The following UPP2 variants were observed in gnomAD, a reference collection of about 807,000 sequenced individuals.
UPP2 encodes uridine phosphorylase 2, also known as UPase 2.
UPP2 carries 23 observed loss-of-function variants against 26.7 expected under a neutral mutation model. The ratio of observed to expected loss-of-function variants is 0.86; its 90% CI spans 0.62 to 1.22. UPP2 has a LOEUF of 1.22. Among genes scored for constraint, UPP2 ranks in the 50% most tolerant of loss-of-function variants. UPP2 has a pLI of 0.00. For missense variants in UPP2, 387 were observed against 396.7 expected (o/e 0.98, Z 0.21); for synonymous variants, 127 against 141.3 (o/e 0.90, Z 0.72).
At chr2:158,108,170 C>T (rs1683234414) in intron 2 of UPP2, among the ~76,000 whole-genome samples, 1 of 152,184 alleles carries the variant, frequency 6.6e-6, no homozygotes, top group African/African-American at 2.4e-5. Context: ...TCTTGGGTGT[C>T]TGTGTCTCCT....
intron 6 of UPP2, among the ~76,000 whole-genome samples, chr2:158,128,785 A>AGT (rs1021602196): frequency 6.6e-6 from 1 of 152,162 alleles, no homozygotes; most frequent in African/African-American, 2.4e-5. Context: ...TTCCATTTTA[A>AGT]GTGTGGTGAG....
In UPP2 at chr2:158,013,623, G is replaced by A. The variant is rs552259453; in HGVS notation, c.62-2178G>A. On this transcript the variant is annotated intron_variant, in intron 2 of 9. Transcript: ENST00000605860. ...GTAATTTGGCAACTCACTCGGAAGA[G>A]ATGTGTTTGATGAGGAAGAGGTGAG... Among the ~76,000 whole-genome samples, 6 of 152,348 alleles carry A rather than the reference G, an allele frequency of 3.9e-5. No homozygotes were observed. In the South Asian group the frequency reaches 1.2e-3, roughly 32 times the overall value.
At chr2:158,002,015 A>G (rs1683416645) in intron 2 of UPP2, among the ~76,000 whole-genome samples, 2 of 151,522 alleles carry the variant, frequency 1.3e-5, no homozygotes, top group South Asian at 4.2e-4. Flanking sequence ...ACATGGAAAG[A>G]AGGTACTCAT....
chr2:158,120,952 T>G (rs57738915), intron 4 of UPP2, among the ~76,000 whole-genome samples: 3,425 of 152,018 alleles, frequency 0.023, 116 homozygotes, highest in African/African-American at 0.078. Context: ...CTGATTTACA[T>G]GAAGTCGGCG....
rs182887113 is a variant in UPP2 at position 158,064,155 on chromosome 2, C to T, written c.148-37885C>T. On this transcript the variant is annotated intron_variant, in intron 3 of 9. Coordinates refer to the UPP2 transcript ENST00000605860. ...CAAATGGTATTTCTAGTTCTAGATCCTTGAAGAATTGCCACACTGTGTTCC... is the reference window on the plus strand; with the variant it reads ...CAAATGGTATTTCTAGTTCTAGATCTTTGAAGAATTGCCACACTGTGTTCC... 2.7e-3 allele frequency among the ~76,000 whole-genome samples: 408 copies of T among 152,310 alleles called. 3 individuals carry two copies. The highest frequency in any genetic ancestry group is 9.3e-3 in the African/African-American group (385 of 41,572).
chr2:158,020,042 T>C (rs1435079567), intron 3 of UPP2, among the ~76,000 whole-genome samples: 1 of 152,236 alleles, frequency 6.6e-6, no homozygotes, highest in East Asian at 1.9e-4. Flanking sequence ...AAGGTGACTG[T>C]TGAATAGCGA....
At chr2:158,029,821 A>G (rs780115295) in intron 3 of UPP2, among the ~76,000 whole-genome samples, 28 of 145,316 alleles carry the variant, frequency 1.9e-4, no homozygotes, top group Non-Finnish European at 3.1e-4. Flanking sequence ...TTAAAACACT[A>G]TTTAGGAAAG....
intron 1 of UPP2, among the ~76,000 whole-genome samples, chr2:158,103,241 C>T (rs2105211562): frequency 6.6e-6 from 1 of 152,178 alleles, no homozygotes; most frequent in South Asian, 2.1e-4. Context: ...TAGACAGTCC[C>T]CCAAATTTTC....
At position 158,101,905 on chromosome 2, in the gene UPP2, A is replaced by G. The variant is rs1350746458; in HGVS notation, c.-159A>G. The G allele has an allele frequency of 1.5e-6, 2 of 1,354,124 alleles. No homozygotes were observed. The highest frequency in any genetic ancestry group is 1.9e-6 in the Non-Finnish European group (2 of 1,055,458). The allele number at this position is 1,354,124 out of a possible 1,614,324, so 83.9% of individuals were successfully genotyped here. A position where few individuals can be genotyped will look rare whatever the true frequency, so the allele number is the denominator to read the frequency against. On this transcript the variant is annotated 5_prime_UTR_variant, in exon 1 of 7. Transcript: ENST00000005756. ...GAAAATTTAAAATGCTAAAGGAAAA[A>G]TTTTCTTAGCAATTTCACAGGAAAA... is the stretch of plus-strand genomic sequence containing the variant.
intron 3 of UPP2, among the ~76,000 whole-genome samples, chr2:158,096,291 C>G (rs1682983861): frequency 6.6e-6 from 1 of 152,106 alleles, no homozygotes; most frequent in South Asian, 2.1e-4. Context: ...GAACAAAGAC[C>G]ATTATTAAAA....
At chr2:158,050,037 G>C (rs1682122719) in intron 3 of UPP2, among the ~76,000 whole-genome samples, 1 of 151,992 alleles carries the variant, frequency 6.6e-6, no homozygotes, top group South Asian at 2.1e-4. Flanking sequence ...GGTTAATCTT[G>C]ATTCCTGACA....
chr2:158,117,770 C>A, intron 3 of UPP2, 54 bp from the exon 4 acceptor site: 2 of 1,304,698 alleles, frequency 1.5e-6, no homozygotes, highest in Non-Finnish European at 2.2e-6. Flanking sequence ...AAATTATGTC[C>A]TGTTCATGTA....
chr2:158,069,821 C>T (rs1188382051), intron 3 of UPP2, among the ~76,000 whole-genome samples: 2 of 152,252 alleles, frequency 1.3e-5, no homozygotes, highest in Admixed American at 1.3e-4. Flanking sequence ...AGAAATTTAT[C>T]AAGTTCTGGA....
chr2:158,043,537 T>G (rs960536917), intron 3 of UPP2, among the ~76,000 whole-genome samples: 3 of 152,146 alleles, frequency 2.0e-5, no homozygotes, highest in Non-Finnish European at 4.4e-5. Flanking sequence ...AGAGAGGAAG[T>G]GCAGCACTCA....
chr2:158,035,663 G>A (rs1683990199), intron 3 of UPP2, among the ~76,000 whole-genome samples: 1 of 152,150 alleles, frequency 6.6e-6, no homozygotes, highest in Admixed American at 6.5e-5. Context: ...TGCTTTATGG[G>A]TGTTATCAGT....
intron 2 of UPP2, among the ~76,000 whole-genome samples, chr2:157,999,479 A>T (rs1056554315): frequency 1.9e-4 from 29 of 152,238 alleles, no homozygotes; most frequent in African/African-American, 7.0e-4. Context: ...CACCCAGCCT[A>T]TTTGGGTCTC....
intron 3 of UPP2, among the ~76,000 whole-genome samples, chr2:158,044,299 T>A (rs549112500): frequency 2.6e-5 from 4 of 152,120 alleles, no homozygotes; most frequent in Admixed American, 2.6e-4. Flanking sequence ...AAGTTGACCA[T>A]AGTGGGAAAT....
At chr2:158,102,193 A>G in intron 1 of UPP2, 68 bp downstream of exon 1, 1 of 1,566,922 alleles carries the variant, frequency 6.4e-7, no homozygotes. Context: ...GTATTAAATG[A>G]TTAGATAATG....
chr2:158,099,571 AC>A (rs1386056569), upstream of UPP2, among the ~76,000 whole-genome samples: 1 of 151,944 alleles, frequency 6.6e-6, no homozygotes, highest in Non-Finnish European at 1.5e-5. Context: ...AACCAATACA[AC>A]CTTTGCTGAT....
Sources: gnomAD v4.1 joint callset for allele counts (sites outside exome capture counted in the v4.1 genomes callset) on GRCh38, gnomAD v4.1.1 for gene constraint, MANE v1.5 for transcripts, NCBI Gene and HGNC (gene_info 2026-07-23, HGNC 2026-07-21) for gene names.